The following EYS variants were observed in gnomAD, a reference collection of about 807,000 sequenced individuals.
EYS encodes EGF-like photoreceptor maintenance factor, also known as protein eyes shut homolog.
Under a neutral mutation model 282.1 loss-of-function variants are expected in EYS, and 250 were observed. The ratio of observed to expected loss-of-function variants is 0.89; its 90% confidence interval spans 0.80 to 0.98. The LOEUF is 0.98. Ranked by LOEUF, EYS falls within the 50% of genes least tolerant of loss-of-function variation. The pLI is 0.00. For missense variants in EYS, 4,016 were observed against 3,709.0 expected, an observed-to-expected ratio of 1.08 and a Z score of -2.15; for synonymous variants, 1,355 against 1,282.9, an observed-to-expected ratio of 1.06 and a Z score of -1.20.
chr6:65,524,518 T>C (rs1410416701), intron 2 of EYS, among the ~76,000 whole-genome samples: 1 of 152,190 alleles, frequency 6.6e-6, no homozygotes, highest in Admixed American at 6.5e-5. Context: ...GAGAACATTT[T>C]CCCAGCCCTT....
chr6:64,997,498 A>G (rs1771306391), intron 14 of EYS, 84 bp downstream of exon 14: 3 of 1,310,448 alleles, frequency 2.3e-6, no homozygotes, highest in East Asian at 2.6e-5. Context: ...CCTAACACAC[A>G]GGCAAAAACT....
rs542218523 is a variant in EYS at position 64,222,945 on chromosome 6, TA to T, written c.6424+7646del. ...TTATCGGTACTTACAGTTTTCCTTT[TA>T]AAAAAAACTCATAAAAATCATTCTT... On this transcript the variant is annotated intron_variant, in intron 31 of 42. Transcript: ENST00000503581. 3.4e-4 allele frequency among the ~76,000 whole-genome samples: 52 copies of T among 151,954 alleles called. 1 individual carries two copies. The highest frequency in any genetic ancestry group is 8.5e-4 in the Admixed American group (13 of 15,208).
intron 22 of EYS, among the ~76,000 whole-genome samples, chr6:64,785,892 T>A (rs1375094455): frequency 6.6e-6 from 1 of 152,186 alleles, no homozygotes. Context: ...CAGACCCAAC[T>A]GAATCTTTCA....
At chr6:64,926,741 C>A (rs889609860) in intron 15 of EYS, among the ~76,000 whole-genome samples, 3 of 152,100 alleles carry the variant, frequency 2.0e-5, no homozygotes, top group Non-Finnish European at 4.4e-5. Flanking sequence ...TTTGCTATTT[C>A]TAAGTAGGTG....
At chr6:64,884,590 A>T (rs1372549346) in intron 19 of EYS, among the ~76,000 whole-genome samples, 1 of 151,580 alleles carries the variant, frequency 6.6e-6, no homozygotes, top group Non-Finnish European at 1.5e-5. Flanking sequence ...ATTTCCAGAG[A>T]AGGCTAAGAA....
intron 12 of EYS, among the ~76,000 whole-genome samples, chr6:65,175,504 C>A (rs1165803296): frequency 6.6e-6 from 1 of 151,104 alleles, no homozygotes; most frequent in Admixed American, 6.6e-5. Context: ...ATAAGTGGTG[C>A]TCTCAAAAAA....
chr6:65,134,313 C>A (rs1217403627), intron 12 of EYS, among the ~76,000 whole-genome samples: 2 of 151,978 alleles, frequency 1.3e-5, no homozygotes, highest in African/African-American at 4.8e-5. Flanking sequence ...AATTGCAGCT[C>A]TATTCATAAT....
chr6:64,394,824 T>C (rs907240206), intron 28 of EYS, among the ~76,000 whole-genome samples: 45 of 152,204 alleles, frequency 3.0e-4, no homozygotes, highest in African/African-American at 1.0e-3. Context: ...CAAAAGAAAC[T>C]ACCATCAGAG....
At chr6:64,890,358 C>T (rs1303303229) in intron 18 of EYS, among the ~76,000 whole-genome samples, 1 of 152,108 alleles carries the variant, frequency 6.6e-6, no homozygotes. Context: ...CGCACACTTC[C>T]TCCCCTTTGA....
At chr6:64,437,344 C>CT (rs2150464873) in intron 27 of EYS, among the ~76,000 whole-genome samples, 1 of 151,700 alleles carries the variant, frequency 6.6e-6, no homozygotes, top group South Asian at 2.1e-4. Context: ...ATAAAACTAA[C>CT]TAGTGAATAG....
chr6:64,642,487 C>T (rs577255535), intron 22 of EYS, among the ~76,000 whole-genome samples: 2 of 152,312 alleles, frequency 1.3e-5, no homozygotes, highest in East Asian at 3.9e-4. Context: ...GGTTATCCTA[C>T]TGTGAGTGAA....
intron 29 of EYS, among the ~76,000 whole-genome samples, chr6:64,356,373 A>AT (rs1454248188): frequency 6.6e-6 from 1 of 151,554 alleles, no homozygotes; most frequent in Non-Finnish European, 1.5e-5. Flanking sequence ...CTAGTAATTT[A>AT]TTTCTTTAGA....
At chr6:65,228,637 G>T (rs1402636819) in intron 12 of EYS, among the ~76,000 whole-genome samples, 1 of 151,968 alleles carries the variant, frequency 6.6e-6, no homozygotes, top group Non-Finnish European at 1.5e-5. Context: ...ATTAAGTATA[G>T]TCCCAGTGAA....
Position 64,081,759 on chromosome 6 carries a change from TTC to T in EYS, c.6571+95_6571+96del, listed in dbSNP as rs1314460131. 1.2e-4 allele frequency: 126 copies of T among 1,078,368 alleles called. 1 individual carries two copies. Among genetic ancestry groups the T allele is most frequent in the Non-Finnish European group, 1.3e-6 (1 of 772,422 alleles). 66.8% of individuals were successfully genotyped at this position (1,078,368 alleles called of 1,614,324 possible). ...TGCTTCATGCACTGGTCTGGAAAAA[TTC>T]TCTCACAATATTTAAATGAATAAAT... On this transcript the variant is annotated intron_variant, in intron 32 of 42. Coordinates refer to ENST00000503581, the MANE Select transcript of EYS (RefSeq NM_001142800.2).
intron 29 of EYS, among the ~76,000 whole-genome samples, chr6:64,352,962 CT>C (rs1382157344): frequency 6.6e-6 from 1 of 151,474 alleles, no homozygotes; most frequent in Non-Finnish European, 1.5e-5. Context: ...CATTCAACAA[CT>C]ATTTGTTGGG....
intron 26 of EYS, among the ~76,000 whole-genome samples, chr6:64,568,688 G>C (rs1765630972): frequency 6.6e-6 from 1 of 152,152 alleles, no homozygotes; most frequent in Non-Finnish European, 1.5e-5. Context: ...CTGACTGGGA[G>C]ACACCTCCCA....
chr6:64,696,616 C>T lies in EYS; in HGVS notation c.3444-70371G>A, dbSNP rs182735693. 7.4e-4 allele frequency among the ~76,000 whole-genome samples: 112 copies of T among 152,242 alleles called. 1 individual carries two copies. Among genetic ancestry groups the T allele is most frequent in the Admixed American group, 3.1e-3 (48 of 15,286 alleles). ...TAAAACCAGAAAGAGAAAAGCGTCT[C>T]ATTGCCTACAAAAGAAACCCCATCA... On this transcript the variant is annotated intron_variant, in intron 22 of 42. Transcript: ENST00000503581.
At chr6:65,610,214 C>T in intron 2 of EYS, among the ~76,000 whole-genome samples, 1 of 151,986 alleles carries the variant, frequency 6.6e-6, no homozygotes, top group Non-Finnish European at 1.5e-5. Flanking sequence ...GCCTATTAAA[C>T]TATTCCTTAT....
At chr6:65,106,009 C>T (rs1465145375) in intron 12 of EYS, among the ~76,000 whole-genome samples, 1 of 151,862 alleles carries the variant, frequency 6.6e-6, no homozygotes, top group African/African-American at 2.4e-5. Context: ...AAGGTGTTAG[C>T]AGGCTAGTTC....
Sources: gnomAD v4.1 joint callset for allele counts (sites outside exome capture counted in the v4.1 genomes callset) on GRCh38, gnomAD v4.1.1 for gene constraint, MANE v1.5 for transcripts, NCBI Gene and HGNC (gene_info 2026-07-23, HGNC 2026-07-21) for gene names.